CEP128: variants seen among roughly 807,000 people sequenced by gnomAD.
CEP128 encodes centrosomal protein 128kDa.
Under a neutral mutation model 156.7 loss-of-function variants are expected in CEP128, and 132 were observed. That is an observed-to-expected ratio of 0.84 (90% CI 0.73 to 0.97). CEP128 has a LOEUF of 0.97. CEP128 is among the 50% of genes least tolerant of loss of function. The pLI, the probability that CEP128 is intolerant of heterozygous loss-of-function variation, is 0.00. For missense variants in CEP128, 1,252 were observed against 1,281.9 expected (o/e 0.98, Z 0.36); for synonymous variants, 469 against 448.9 (o/e 1.04, Z -0.57).
At chr14:80,832,530 GGAT>G (rs34272078) in intron 12 of CEP128, among the ~76,000 whole-genome samples, 14,815 of 152,142 alleles carry the variant, frequency 0.097, 1,220 homozygotes, top group East Asian at 0.43. Context: ...CATTTCAATA[GGAT>G]GATAAGAGCG....
chr14:80,541,825 G>T lies in CEP128; in HGVS notation c.2881-10939C>A, dbSNP rs79028608. 1.6e-4 allele frequency among the ~76,000 whole-genome samples: 24 copies of T among 152,232 alleles called. No homozygotes were observed. The East Asian group carries it at 3.9e-3, about 24-fold the overall frequency. On this transcript the variant is annotated intron_variant, in intron 21 of 24. Coordinates refer to ENST00000555265, the MANE Select transcript of CEP128 (RefSeq NM_152446.5). ...CTGATTCTCCTGCAAGACTGGGCTTGGTCAATACCTCCTGTAACATGACAG... is the reference window on the plus strand; with the variant it reads ...CTGATTCTCCTGCAAGACTGGGCTTTGTCAATACCTCCTGTAACATGACAG...
chr14:80,880,438 CTTCTA>C (rs1370139434), intron 8 of CEP128, among the ~76,000 whole-genome samples: 1 of 152,048 alleles, frequency 6.6e-6, no homozygotes. Context: ...ATGCCCCCTC[CTTCTA>C]TTCAACATAC....
chr14:80,773,787 AATATC>A (rs1409591849), intron 16 of CEP128, among the ~76,000 whole-genome samples: 6 of 152,214 alleles, frequency 3.9e-5, no homozygotes, highest in African/African-American at 1.4e-4. Context: ...TCAAAAGATT[AATATC>A]AGTAAGATTC....
chr14:80,914,712 C>T (rs1884445632), intron 3 of CEP128, among the ~76,000 whole-genome samples: 1 of 152,118 alleles, frequency 6.6e-6, no homozygotes. Context: ...TCAATTTGTG[C>T]CCCTCAACCA....
Position 80,895,760 on chromosome 14 carries a change from T to A in CEP128, c.603A>T (p.Glu201Asp). Residue 201 changes from glutamate (E) to aspartate (D), a missense_variant, in exon 8 of 25, where the codon GAA (glutamate) becomes GAT (aspartate). By Grantham distance (45) the Glu-to-Asp change is conservative (BLOSUM62 2). Transcript: ENST00000555265. The part of the protein sequence containing the change: ...RSDAETKRAL[E>D]ELTEKLNEAQ... The stretch of plus-strand genomic sequence containing the variant: ...CTTCATTAAGTTTTTCAGTCAATTC[T>A]TCCAAAGCCCTTTTTGTTTCGGCAT... The A allele has an allele frequency of 6.4e-7, 1 of 1,561,768 alleles. No individual in the cohort carries two copies. Among genetic ancestry groups the A allele is most frequent in the Admixed American group, 1.8e-5 (1 of 54,116 alleles).
chr14:80,626,844 C>T (rs1025119813), intron 19 of CEP128, among the ~76,000 whole-genome samples: 4 of 152,084 alleles, frequency 2.6e-5, no homozygotes, highest in Non-Finnish European at 5.9e-5. Flanking sequence ...GCAGGAGAAT[C>T]GCTTGAACCC....
intron 23 of CEP128, among the ~76,000 whole-genome samples, chr14:80,517,839 G>C (rs1401183735): frequency 2.0e-5 from 3 of 152,070 alleles, no homozygotes; most frequent in Non-Finnish European, 4.4e-5. Flanking sequence ...GATGAATCTG[G>C]GCACTGAGCC....
At chr14:80,697,164 A>T (rs1462561921) in intron 19 of CEP128, among the ~76,000 whole-genome samples, 3 of 151,292 alleles carry the variant, frequency 2.0e-5, no homozygotes, top group African/African-American at 7.3e-5. Context: ...TTAAGAAATT[A>T]AAAAAAAAGT....
chr14:80,855,997 A>G (rs543914975), intron 9 of CEP128, among the ~76,000 whole-genome samples: 1 of 152,198 alleles, frequency 6.6e-6, no homozygotes, highest in South Asian at 2.1e-4. Context: ...ACATTTCTGG[A>G]CAAAAATGAA....
intron 14 of CEP128, chr14:80,478,476 C>A (rs1217693398): frequency 6.6e-6 from 1 of 152,168 alleles, no homozygotes; most frequent in Non-Finnish European, 1.5e-5. Flanking sequence ...TGACACTTTG[C>A]ATATGTAGCT....
intron 9 of CEP128, among the ~76,000 whole-genome samples, chr14:80,847,981 T>A (rs1011726573): frequency 6.6e-6 from 1 of 152,136 alleles, no homozygotes; most frequent in Non-Finnish European, 1.5e-5. Flanking sequence ...CAAGAAACAC[T>A]TACTGGGCCC....
At chr14:80,654,909 T>C (rs906598692) in intron 19 of CEP128, among the ~76,000 whole-genome samples, 8 of 152,116 alleles carry the variant, frequency 5.3e-5, no homozygotes, top group Admixed American at 2.6e-4. Context: ...GTAGCCACTG[T>C]TCTAATTGTT....
intron 2 of CEP128, chr14:80,955,576 C>A: frequency 7.1e-7 from 1 of 1,407,668 alleles, no homozygotes; most frequent in Non-Finnish European, 1.0e-6. Context: ...CCTCTTCCCA[C>A]CCCTCCCGCT....
At chr14:80,862,701 G>A in intron 9 of CEP128, 56 bp downstream of exon 9, 1 of 1,167,284 alleles carries the variant, frequency 8.6e-7, no homozygotes, top group South Asian at 1.2e-5. Flanking sequence ...TTTTAACATG[G>A]CTAAATAAAC....
chr14:80,601,432 C>G (rs1892577691), intron 19 of CEP128, among the ~76,000 whole-genome samples: 1 of 152,060 alleles, frequency 6.6e-6, no homozygotes, highest in South Asian at 2.1e-4. Flanking sequence ...CTAATGACAG[C>G]TGAAACAAAA....
chr14:80,686,763 C>T (rs1415852341), intron 19 of CEP128, among the ~76,000 whole-genome samples: 1 of 151,968 alleles, frequency 6.6e-6, no homozygotes, highest in Non-Finnish European at 1.5e-5. Context: ...CAGAAAAAAG[C>T]AAATGTTGCA....
chr14:80,758,277 T>C (rs981358848), intron 17 of CEP128, among the ~76,000 whole-genome samples: 2 of 152,180 alleles, frequency 1.3e-5, no homozygotes, highest in Non-Finnish European at 2.9e-5. Flanking sequence ...ATCCCAGCAC[T>C]TTGGGAGGCC....
chr14:80,507,438 C>T (rs965576010), intron 23 of CEP128, among the ~76,000 whole-genome samples: 5 of 152,160 alleles, frequency 3.3e-5, no homozygotes, highest in African/African-American at 1.2e-4. Context: ...GGCAGGTAAA[C>T]TAGCTACTGT....
intron 22 of CEP128, among the ~76,000 whole-genome samples, chr14:80,530,568 A>C (rs1167432546): frequency 6.6e-6 from 1 of 152,200 alleles, no homozygotes; most frequent in Non-Finnish European, 1.5e-5. Context: ...TAGGGGCCCA[A>C]CTGAGCTTCT....
Sources: allele counts gnomAD v4.1 joint callset (sites outside exome capture counted in the v4.1 genomes callset), GRCh38; gene constraint gnomAD v4.1.1; transcripts MANE v1.5; gene names NCBI Gene and HGNC (gene_info 2026-07-23, HGNC 2026-07-21).